The following KHDRBS2 variants were observed in gnomAD, a reference collection of about 807,000 sequenced individuals.
The protein encoded by KHDRBS2 is KH RNA binding domain containing, signal transduction associated 2.
In KHDRBS2, 26 loss-of-function variants were observed where a neutral mutation model predicts 44.3. The ratio of observed to expected loss-of-function variants is 0.59; its 90% CI spans 0.43 to 0.81. The LOEUF is 0.81. Ranked by LOEUF, KHDRBS2 falls within the 40% of genes least tolerant of loss-of-function variation. The probability of loss-of-function intolerance (pLI) is 0.00; values close to 1 mark genes in which losing one functional copy is unlikely to be tolerated. For missense variants in KHDRBS2, 476 were observed against 433.1 expected (o/e 1.10, Z -0.88); for synonymous variants, 194 against 151.1 (o/e 1.28, Z -2.08).
chr6:61,887,207 A>G (rs1801086566), intron 6 of KHDRBS2, among the ~76,000 whole-genome samples: 1 of 152,216 alleles, frequency 6.6e-6, no homozygotes, highest in Admixed American at 6.5e-5. Flanking sequence ...TGATAGTATT[A>G]TCCTGAGATT....
At chr6:61,722,638 A>G (rs1227975333) in intron 7 of KHDRBS2, among the ~76,000 whole-genome samples, 1 of 152,060 alleles carries the variant, frequency 6.6e-6, no homozygotes, top group Admixed American at 6.6e-5. Context: ...ATTTCTTCTG[A>G]TTTAGACTGT....
At position 62,245,700 on chromosome 6, in the gene KHDRBS2, G is replaced by A. The variant is rs114872111; in HGVS notation, c.91+40158C>T. Among the ~76,000 whole-genome samples, 381 of 152,010 alleles carry A rather than the reference G, an allele frequency of 2.5e-3. 3 individuals are homozygous for A. Among genetic ancestry groups the A allele is most frequent in the African/African-American group, 8.4e-3 (349 of 41,478 alleles). On this transcript the variant is annotated intron_variant, in intron 1 of 8. Transcript: ENST00000281156. ...AGACACATCATATATGAACTTATGT[G>A]GCAAATAATAATATGTTCTAATTGA...
rs540903157 is a variant in KHDRBS2, at chr6:61,998,857, T to C, written c.337-20645A>G. Among the ~76,000 whole-genome samples, 54 of 152,220 alleles carry C rather than the reference T, an allele frequency of 3.5e-4. 1 individual carries two copies. The highest frequency in any genetic ancestry group is 7.9e-4 in the Admixed American group (12 of 15,284). Reference sequence around the variant, plus strand: ...TTGACCTTGAAGTCATACAAAATACTGCCTGTTCATCTAAGTATAACTTTA... The same window carrying C: ...TTGACCTTGAAGTCATACAAAATACCGCCTGTTCATCTAAGTATAACTTTA... On this transcript the variant is annotated intron_variant, in intron 3 of 8. Transcript: ENST00000281156.
the KHDRBS2 span, among the ~76,000 whole-genome samples, chr6:61,574,902 C>T: frequency 6.6e-6 from 1 of 151,934 alleles, no homozygotes; most frequent in Non-Finnish European, 1.5e-5. Flanking sequence ...GGGCGAAATA[C>T]CATCTCAAAA....
chr6:62,109,762 A>G (rs1484368358), intron 2 of KHDRBS2, among the ~76,000 whole-genome samples: 2 of 151,726 alleles, frequency 1.3e-5, no homozygotes, highest in East Asian at 3.8e-4. Context: ...AGGAGAAGGA[A>G]TTAAAGGAAG....
chr6:61,914,280 T>G, intron 4 of KHDRBS2, among the ~76,000 whole-genome samples: 1 of 152,124 alleles, frequency 6.6e-6, no homozygotes, highest in East Asian at 1.9e-4. Flanking sequence ...TCCAAATTTT[T>G]GGTTTGTGCA....
At chr6:61,833,144 A>G (rs2127264094) in intron 6 of KHDRBS2, among the ~76,000 whole-genome samples, 1 of 152,326 alleles carries the variant, frequency 6.6e-6, no homozygotes, top group South Asian at 2.1e-4. Flanking sequence ...GGTGCTTAAA[A>G]GACAAAATGG....
intron 4 of KHDRBS2, among the ~76,000 whole-genome samples, chr6:61,936,084 T>G (rs1425237648): frequency 2.0e-5 from 3 of 152,094 alleles, no homozygotes; most frequent in African/African-American, 7.2e-5. Context: ...CTCTGAAATC[T>G]TTTCGCAATG....
intron 6 of KHDRBS2, among the ~76,000 whole-genome samples, chr6:61,879,970 A>C (rs963496596): frequency 6.6e-5 from 10 of 151,944 alleles, no homozygotes; most frequent in African/African-American, 2.4e-4. Context: ...AGATAAATTT[A>C]GCATTGTAGG....
intron 7 of KHDRBS2, among the ~76,000 whole-genome samples, chr6:61,700,418 C>T (rs576786050): frequency 6.8e-6 from 1 of 147,400 alleles, no homozygotes; most frequent in Admixed American, 6.9e-5. Context: ...CAAGGGAGAA[C>T]AGAGCATACT....
intron 3 of KHDRBS2, among the ~76,000 whole-genome samples, chr6:61,993,104 A>G (rs183807490): frequency 2.7e-4 from 41 of 152,288 alleles, no homozygotes; most frequent in African/African-American, 9.1e-4. Flanking sequence ...CAAAGTCTGC[A>G]AAATTGATGT....
At chr6:61,993,053 T>G (rs1776437273) in intron 3 of KHDRBS2, among the ~76,000 whole-genome samples, 2 of 152,236 alleles carry the variant, frequency 1.3e-5, no homozygotes, top group African/African-American at 4.8e-5. Context: ...GCTACAAAAT[T>G]TCTCTTGGGC....
chr6:61,651,755 G>T, the KHDRBS2 span, among the ~76,000 whole-genome samples: 1 of 152,006 alleles, frequency 6.6e-6, no homozygotes, highest in Non-Finnish European at 1.5e-5. Flanking sequence ...TTCCACTCTT[G>T]TTTAGTCATC....
At chr6:61,994,991 C>A (rs1776893660) in intron 3 of KHDRBS2, among the ~76,000 whole-genome samples, 1 of 152,060 alleles carries the variant, frequency 6.6e-6, no homozygotes, top group East Asian at 1.9e-4. Context: ...GTGGCTTGAG[C>A]ATAGGGAATA....
At chr6:61,965,189 T>C (rs951306) in intron 4 of KHDRBS2, among the ~76,000 whole-genome samples, 28,720 of 151,936 alleles carry the variant, frequency 0.19, 3,119 homozygotes, top group East Asian at 0.32. Context: ...GGGCTTATGG[T>C]TTGCCATGTG....
chr6:62,240,668 GTGTGTA>G (rs1834473177), intron 1 of KHDRBS2, among the ~76,000 whole-genome samples: 1 of 66,354 alleles, frequency 1.5e-5, no homozygotes, highest in African/African-American at 4.9e-5. Flanking sequence ...ATGTATGTGT[GTGTGTA>G]TATATATATA....
intron 6 of KHDRBS2, among the ~76,000 whole-genome samples, chr6:61,769,011 C>A (rs1277782534): frequency 1.3e-5 from 2 of 152,020 alleles, no homozygotes; most frequent in Non-Finnish European, 2.9e-5. Flanking sequence ...TTTTGATTTC[C>A]AGCCTTTATT....
chr6:62,093,986 A>G (rs2127366353), intron 2 of KHDRBS2, among the ~76,000 whole-genome samples: 1 of 151,968 alleles, frequency 6.6e-6, no homozygotes, highest in Admixed American at 6.6e-5. Context: ...TGCAATAAAC[A>G]TGAGAGTGCA....
chr6:61,781,303 A>T (rs2127581411), intron 6 of KHDRBS2, among the ~76,000 whole-genome samples: 1 of 152,290 alleles, frequency 6.6e-6, no homozygotes, highest in Non-Finnish European at 1.5e-5. Flanking sequence ...TGATAAAGTT[A>T]AAACTGGTAA....
Sources: gnomAD v4.1 joint callset for allele counts (sites outside exome capture counted in the v4.1 genomes callset) on GRCh38, gnomAD v4.1.1 for gene constraint, MANE v1.5 for transcripts, NCBI Gene and HGNC (gene_info 2026-07-23, HGNC 2026-07-21) for gene names.